Variants in MYO16 observed in about 807,000 individuals in gnomAD.
MYO16 encodes unconventional myosin-XVI.
Under a neutral mutation model 205.3 loss-of-function variants are expected in MYO16, and 94 were observed. The observed-to-expected ratio is 0.46, with a 90% CI of 0.39 to 0.54. The LOEUF is 0.54. Among genes scored for constraint, MYO16 ranks in the 20% least tolerant of loss-of-function variants. MYO16 has a pLI of 0.00. For synonymous variants in MYO16, 988 were observed against 954.0 expected (o/e 1.04, Z -0.66); for missense variants, 2,315 against 2,387.5 (o/e 0.97, Z 0.63).
chr13:108,575,172 A>G, the MYO16 span, among the ~76,000 whole-genome samples: 1 of 152,266 alleles, frequency 6.6e-6, no homozygotes, highest in South Asian at 2.1e-4. Context: ...AACAGTCTCT[A>G]TTCCTGGGTT....
At chr13:108,499,367 A>G in the MYO16 span, among the ~76,000 whole-genome samples, 4 of 152,242 alleles carry the variant, frequency 2.6e-5, no homozygotes, top group African/African-American at 9.6e-5. Context: ...GAGGTGCCCA[A>G]TAAGAAGTAG....
intron 15 of MYO16, among the ~76,000 whole-genome samples, chr13:108,908,887 C>T (rs950363585): frequency 2.0e-5 from 3 of 151,582 alleles, no homozygotes; most frequent in African/African-American, 7.3e-5. Flanking sequence ...GCAGGAGAAT[C>T]ACTTGAACCG....
the MYO16 span, among the ~76,000 whole-genome samples, chr13:108,585,102 C>T: frequency 3.4e-3 from 514 of 152,120 alleles, 5 homozygotes; most frequent in African/African-American, 0.012. Flanking sequence ...ATTTTGTTGA[C>T]GAAAGAGTCA....
At chr13:108,992,750 A>G (rs1272438002) in intron 21 of MYO16, among the ~76,000 whole-genome samples, 2 of 152,310 alleles carry the variant, frequency 1.3e-5, no homozygotes, top group Middle Eastern at 3.4e-3. Flanking sequence ...AAGGGAGAAC[A>G]TGAATATTTG....
intron 16 of MYO16, among the ~76,000 whole-genome samples, chr13:108,956,784 T>C (rs1566431271): frequency 6.6e-6 from 1 of 152,148 alleles, no homozygotes; most frequent in Non-Finnish European, 1.5e-5. Context: ...TTGCAGCCCC[T>C]TCCTGCACAC....
At chr13:108,972,388 A>C (rs1443034389) in intron 20 of MYO16, among the ~76,000 whole-genome samples, 1 of 69,490 alleles carries the variant, frequency 1.4e-5, no homozygotes, top group Non-Finnish European at 2.6e-5. Flanking sequence ...ATATATATAT[A>C]TATATATATA....
At chr13:108,964,168 T>C (rs1314784303) in intron 19 of MYO16, among the ~76,000 whole-genome samples, 1 of 152,196 alleles carries the variant, frequency 6.6e-6, no homozygotes, top group Non-Finnish European at 1.5e-5. Context: ...GCAACAGTGA[T>C]GGGATAGGCT....
chr13:108,500,968 C>A, the MYO16 span, among the ~76,000 whole-genome samples: 1 of 152,126 alleles, frequency 6.6e-6, no homozygotes, highest in Non-Finnish European at 1.5e-5. Context: ...TGCTTGTTCT[C>A]TACGTGGAAC....
At chr13:108,894,164 C>G (rs962375114) in intron 14 of MYO16, among the ~76,000 whole-genome samples, 4 of 152,060 alleles carry the variant, frequency 2.6e-5, no homozygotes, top group African/African-American at 9.7e-5. Flanking sequence ...CATGCGAATG[C>G]CTTCACGATC....
intron 1 of MYO16, among the ~76,000 whole-genome samples, chr13:108,643,535 G>A (rs1880603521): frequency 6.6e-6 from 1 of 152,164 alleles, no homozygotes; most frequent in South Asian, 2.1e-4. Context: ...CAATTGCTGG[G>A]TATGGCAAGT....
At chr13:108,894,530 G>A (rs1371497989) in intron 14 of MYO16, among the ~76,000 whole-genome samples, 1 of 152,202 alleles carries the variant, frequency 6.6e-6, no homozygotes, top group African/African-American at 2.4e-5. Context: ...GGAGAAGAGA[G>A]AGAAGGAGGA....
chr13:109,194,049 T>A (rs542172863), intron 34 of MYO16, among the ~76,000 whole-genome samples: 1 of 152,304 alleles, frequency 6.6e-6, no homozygotes, highest in East Asian at 1.9e-4. Context: ...ATGCATAAGT[T>A]ATTAATCAAT....
intron 21 of MYO16, among the ~76,000 whole-genome samples, chr13:108,995,519 A>G (rs1435346360): frequency 6.6e-6 from 1 of 152,092 alleles, no homozygotes; most frequent in East Asian, 1.9e-4. Context: ...TACATGTGCC[A>G]TGTTGGTGTG....
At chr13:108,554,848 T>TACA in the MYO16 span, among the ~76,000 whole-genome samples, 1 of 77,968 alleles carries the variant, frequency 1.3e-5, no homozygotes, top group Non-Finnish European at 2.5e-5. Flanking sequence ...AGACTCTGAC[T>TACA]AAAAAAAAAA....
the MYO16 span, among the ~76,000 whole-genome samples, chr13:108,583,285 C>A: frequency 6.6e-6 from 1 of 152,036 alleles, no homozygotes; most frequent in African/African-American, 2.4e-5. Flanking sequence ...GGAACATATC[C>A]GTAAATCATG....
At chr13:108,965,850 A>G (rs974790129) in intron 20 of MYO16, among the ~76,000 whole-genome samples, 1 of 152,232 alleles carries the variant, frequency 6.6e-6, no homozygotes, top group African/African-American at 2.4e-5. Context: ...GCACAGTCAT[A>G]TTCACAAGTC....
intron 9 of MYO16, among the ~76,000 whole-genome samples, chr13:108,834,152 G>A (rs184930450): frequency 6.6e-6 from 1 of 152,280 alleles, no homozygotes; most frequent in East Asian, 1.9e-4. Flanking sequence ...AAGGGAGAAT[G>A]ATTGAGCTCA....
intron 4 of MYO16, among the ~76,000 whole-genome samples, chr13:108,784,921 G>A (rs944926796): frequency 6.6e-6 from 1 of 152,176 alleles, no homozygotes; most frequent in African/African-American, 2.4e-5. Context: ...TTCCTGAAGA[G>A]TGCAAGCAAA....
chr13:108,776,572 C>A (rs964456404), intron 4 of MYO16, among the ~76,000 whole-genome samples: 3 of 152,114 alleles, frequency 2.0e-5, no homozygotes, highest in Admixed American at 1.3e-4. Context: ...TGCGTGTATC[C>A]TTATCTGTAG....
Sources: allele counts gnomAD v4.1 joint callset (sites outside exome capture counted in the v4.1 genomes callset), GRCh38; gene constraint gnomAD v4.1.1; transcripts MANE v1.5; gene names NCBI Gene and HGNC (gene_info 2026-07-23, HGNC 2026-07-21).